The following KIRREL3 variants were observed in gnomAD, a reference collection of about 807,000 sequenced individuals.
KIRREL3 encodes kin of IRRE-like protein 3.
KIRREL3 carries 36 observed loss-of-function variants against 89.7 expected under a neutral mutation model. That is an observed-to-expected ratio of 0.40 (90% CI 0.31 to 0.53). The LOEUF (loss-of-function observed/expected upper bound fraction) is 0.53, where lower values mean the gene tolerates loss of function less well. Among genes scored for constraint, KIRREL3 ranks in the 20% least tolerant of loss-of-function variants. The pLI, the probability that KIRREL3 is intolerant of heterozygous loss-of-function variation, is 0.49. For synonymous variants in KIRREL3, 445 were observed against 441.4 expected (o/e 1.01, Z -0.10); for missense variants, 864 against 1,056.6 (o/e 0.82, Z 2.53).
At chr11:126,673,119 A>G (rs1315069925) in intron 1 of KIRREL3, among the ~76,000 whole-genome samples, 1 of 152,228 alleles carries the variant, frequency 6.6e-6, no homozygotes, top group Non-Finnish European at 1.5e-5. Flanking sequence ...TGAAAAGCAG[A>G]GCTGGGTGTT....
chr11:126,744,728 C>G lies in KIRREL3; in HGVS notation c.56-181816G>C, dbSNP rs1484388203. 6.6e-6 allele frequency among the ~76,000 whole-genome samples: 1 copy of G among 152,178 alleles called. No homozygotes were observed. The highest frequency in any genetic ancestry group is 1.5e-5 in the Non-Finnish European group (1 of 68,026). ...GACCCGATGAACAGTACTCGTATTACTATTCTTTATAATGCTCATGCCAAT... is the reference window on the plus strand; with the variant it reads ...GACCCGATGAACAGTACTCGTATTAGTATTCTTTATAATGCTCATGCCAAT... On this transcript the variant is annotated intron_variant, in intron 1 of 16. Coordinates refer to ENST00000525144, the MANE Select transcript of KIRREL3 (RefSeq NM_032531.4). The surrounding 1 kb of genome is among the most constrained non-coding windows in gnomAD (Gnocchi z 4.7).
rs893735648 is a variant in KIRREL3 at position 126,795,798 on chromosome 11, G to A, written c.55+204657C>T. Among the ~76,000 whole-genome samples, 2 of 152,122 alleles carry A rather than the reference G, an allele frequency of 1.3e-5. No individual in the cohort carries two copies. The highest frequency in any genetic ancestry group is 4.8e-5 in the African/African-American group (2 of 41,424). On this transcript the variant is annotated intron_variant, in intron 1 of 16. Coordinates refer to ENST00000525144, the MANE Select transcript of KIRREL3 (RefSeq NM_032531.4). The surrounding 1 kb of genome is among the most constrained non-coding windows in gnomAD (Gnocchi z 4.1). ...AATTACAGAGCCACTTCAACCACCAGTTCTTCTTCCCCCTGTGCACCCCAA... is the reference window on the plus strand; with the variant it reads ...AATTACAGAGCCACTTCAACCACCAATTCTTCTTCCCCCTGTGCACCCCAA...
rs1015236068 is a variant in KIRREL3, at chr11:126,571,154, G to C, written c.56-8242C>G. ...TGAGATTCGACTCCCAACCAATTCG[G>C]AGTCTCAGCCCTTTGGGCTGGCTTT... On this transcript the variant is annotated intron_variant, in intron 1 of 16. Coordinates refer to ENST00000525144, the MANE Select transcript of KIRREL3 (RefSeq NM_032531.4). The surrounding 1 kb of genome is among the most constrained non-coding windows in gnomAD (Gnocchi z 7.7). Among the ~76,000 whole-genome samples, 3 of 152,152 alleles carry C rather than the reference G, an allele frequency of 2.0e-5. No homozygotes were observed. The highest frequency in any genetic ancestry group is 4.4e-5 in the Non-Finnish European group (3 of 68,042).
At position 126,578,743 on chromosome 11, in the gene KIRREL3, T is replaced by C. The variant is rs1941388282; in HGVS notation, c.56-15831A>G. Among the ~76,000 whole-genome samples, 1 of 152,132 alleles carries C rather than the reference T, an allele frequency of 6.6e-6. No individual in the cohort carries two copies. Among genetic ancestry groups the C allele is most frequent in the Non-Finnish European group, 1.5e-5 (1 of 68,016 alleles). ...TTCTGGACTTCTGACTCAGCACCAG[T>C]CCTGCTCCTTCTGTCTCAATGACTG... On this transcript the variant is annotated intron_variant, in intron 1 of 16. Transcript: ENST00000525144. This position sits in a 1 kb window ranked among gnomAD's most constrained non-coding sequence, Gnocchi z 4.9.
chr11:126,524,556 G>A (rs1372707216), intron 3 of KIRREL3, among the ~76,000 whole-genome samples: 1 of 152,200 alleles, frequency 6.6e-6, no homozygotes, highest in African/African-American at 2.4e-5. Context: ...AAGTACCTGA[G>A]CTTCTTAGAA....
intron 10 of KIRREL3, 82 bp downstream of exon 10, chr11:126,444,897 C>T (rs969489957): frequency 1.3e-6 from 2 of 1,583,814 alleles, no homozygotes; most frequent in South Asian, 2.2e-5. Flanking sequence ...GCGACAGCTC[C>T]TTTGGGGCTA....
At position 126,965,491 on chromosome 11, in the gene KIRREL3, T is replaced by G. The variant is rs1949237365; in HGVS notation, c.55+34964A>C. Among the ~76,000 whole-genome samples the G allele has an allele frequency of 6.6e-6, 1 of 152,188 alleles. No homozygotes were observed. Among genetic ancestry groups the G allele is most frequent in the African/African-American group, 2.4e-5 (1 of 41,460 alleles). ...ACAATACCTCTTCTCAGTAACAAGA[T>G]GCTGGTACTGAGAAACCAGTATCCT... On this transcript the variant is annotated intron_variant, in intron 1 of 16. Transcript: ENST00000525144. The surrounding 1 kb of genome is among the most constrained non-coding windows in gnomAD (Gnocchi z 4.4).
chr11:126,765,381 C>T (rs1315541299), intron 1 of KIRREL3, among the ~76,000 whole-genome samples: 3 of 152,110 alleles, frequency 2.0e-5, no homozygotes, highest in Non-Finnish European at 2.9e-5. Flanking sequence ...GGTGTGTGTG[C>T]GGGGAGAAAT....
At chr11:126,577,592 CAA>C (rs61210940) in intron 1 of KIRREL3, among the ~76,000 whole-genome samples, 17 of 115,966 alleles carry the variant, frequency 1.5e-4, no homozygotes, top group Admixed American at 3.8e-4. Context: ...ACTAAAAATA[CAA>C]AAAAAAAAAA....
rs140307688 is a variant in KIRREL3, at chr11:126,526,333, G to A, written c.283+205C>T. ...CCGCTAGAAGGAGGGTTTGCTTATGGTTCATTATGCACATCAGGGGCCCTC... is the reference window on the plus strand; with the variant it reads ...CCGCTAGAAGGAGGGTTTGCTTATGATTCATTATGCACATCAGGGGCCCTC... On this transcript the variant is annotated intron_variant, in intron 3 of 16. Coordinates refer to ENST00000525144, the MANE Select transcript of KIRREL3 (RefSeq NM_032531.4). The surrounding 1 kb of genome is among the most constrained non-coding windows in gnomAD (Gnocchi z 5.7). 0.011 allele frequency among the ~76,000 whole-genome samples: 1,745 copies of A among 152,344 alleles called. 24 individuals are homozygous for A. Among genetic ancestry groups the A allele is most frequent in the African/African-American group, 0.036 (1,502 of 41,582 alleles).
rs771191015 is a variant in KIRREL3 at position 126,513,462 on chromosome 11, C to T, written c.433+7853G>A. On this transcript the variant is annotated intron_variant, in intron 4 of 16. Coordinates refer to ENST00000525144, the MANE Select transcript of KIRREL3 (RefSeq NM_032531.4). The surrounding 1 kb of genome is among the most constrained non-coding windows in gnomAD (Gnocchi z 5.9). ...AGAGGCTCCTGCCTGCCCTTCTCCA[C>T]ACTCAGGCAGGGAAGGGAAAAGATG... Among the ~76,000 whole-genome samples, 3 of 152,176 alleles carry T rather than the reference C, an allele frequency of 2.0e-5. No homozygotes were observed. Among genetic ancestry groups the T allele is most frequent in the Non-Finnish European group, 2.9e-5 (2 of 68,020 alleles).
Position 126,477,593 on chromosome 11 carries a change from C to T in KIRREL3, c.434-4127G>A, listed in dbSNP as rs1957102035. On this transcript the variant is annotated intron_variant, in intron 4 of 16. Transcript: ENST00000525144. This position sits in a 1 kb window ranked among gnomAD's most constrained non-coding sequence, Gnocchi z 4.8. Reference sequence around the variant, plus strand: ...CATCTATTTCACGCACTAAGGTTCTCTCTAACCTCTATACTCCCCTTTTTT... The same window carrying T: ...CATCTATTTCACGCACTAAGGTTCTTTCTAACCTCTATACTCCCCTTTTTT... 6.6e-6 allele frequency among the ~76,000 whole-genome samples: 1 copy of T among 152,222 alleles called. No individual in the cohort carries two copies. Among genetic ancestry groups the T allele is most frequent in the Non-Finnish European group, 1.5e-5 (1 of 68,052 alleles).
At position 126,567,599 on chromosome 11, in the gene KIRREL3, T is replaced by C. The variant is rs183082382; in HGVS notation, c.56-4687A>G. 8.0e-4 allele frequency among the ~76,000 whole-genome samples: 122 copies of C among 152,344 alleles called. 2 individuals are homozygous for C. In the South Asian group the frequency reaches 0.016, roughly 20 times the overall value. On this transcript the variant is annotated intron_variant, in intron 1 of 16. Transcript: ENST00000525144. ...CCAGCCCCCAGAGCACAAAGCTGCC[T>C]GCAGGGAGCAGCATCACACTCTGCT... is the stretch of plus-strand genomic sequence containing the variant.
rs543881514 is a variant in KIRREL3 at position 126,867,184 on chromosome 11, C to G, written c.55+133271G>C. Reference sequence around the variant, plus strand: ...CAATCTGCCTGTCTGCCTGCTCCCCCCAGGGGTTTGAGCAGCGGGGCATCT... The same window carrying G: ...CAATCTGCCTGTCTGCCTGCTCCCCGCAGGGGTTTGAGCAGCGGGGCATCT... On this transcript the variant is annotated intron_variant, in intron 1 of 16. Coordinates refer to ENST00000525144, the MANE Select transcript of KIRREL3 (RefSeq NM_032531.4). The surrounding 1 kb of genome is among the most constrained non-coding windows in gnomAD (Gnocchi z 4.7). Among the ~76,000 whole-genome samples the G allele has an allele frequency of 5.3e-5, 8 of 152,364 alleles. No individual in the cohort carries two copies. In the South Asian group the frequency reaches 6.2e-4, roughly 12 times the overall value.
chr11:126,718,808 C>G (rs368300689), intron 1 of KIRREL3, among the ~76,000 whole-genome samples: 9 of 152,118 alleles, frequency 5.9e-5, no homozygotes, highest in African/African-American at 2.2e-4. Context: ...TAGGGTCACA[C>G]CACCCCGGCC....
chr11:126,882,855 G>T (rs1945555476), intron 1 of KIRREL3, among the ~76,000 whole-genome samples: 2 of 152,128 alleles, frequency 1.3e-5, no homozygotes, highest in Non-Finnish European at 2.9e-5. Context: ...GGAAACATTT[G>T]AAGTTTCTGG....
chr11:126,923,164 C>CTTCTTCTTCTT (rs1947451670), intron 1 of KIRREL3, among the ~76,000 whole-genome samples: 4 of 23,782 alleles, frequency 1.7e-4, no homozygotes, highest in African/African-American at 2.5e-4. Flanking sequence ...TCTTCTTCTT[C>CTTCTTCTTCTT]TTCTTCTTCT....
intron 1 of KIRREL3, among the ~76,000 whole-genome samples, chr11:126,634,666 C>T (rs955080248): frequency 7.9e-5 from 12 of 152,158 alleles, no homozygotes; most frequent in Non-Finnish European, 1.2e-4. Flanking sequence ...TCCCTTGTAC[C>T]TGCTGTGTGC....
chr11:126,483,482 A>T (rs1250331668), intron 4 of KIRREL3, among the ~76,000 whole-genome samples: 3 of 152,230 alleles, frequency 2.0e-5, no homozygotes, highest in Non-Finnish European at 4.4e-5. Flanking sequence ...GTAACCCAGT[A>T]GTCCCCTGCT....
Sources: allele counts gnomAD v4.1 joint callset (sites outside exome capture counted in the v4.1 genomes callset), GRCh38; gene constraint gnomAD v4.1.1; non-coding constraint Gnocchi (gnomAD v3.1); transcripts MANE v1.5; gene names NCBI Gene and HGNC (gene_info 2026-07-23, HGNC 2026-07-21).